The following OSCAR variants were observed in gnomAD, a reference collection of about 807,000 sequenced individuals.
OSCAR encodes the protein osteoclast associated Ig-like receptor, also known as osteoclast-associated immunoglobulin-like receptor.
OSCAR carries 25 observed loss-of-function variants against 27.3 expected under a neutral mutation model. That is an observed-to-expected ratio of 0.92 (90% CI 0.67 to 1.28). The LOEUF (loss-of-function observed/expected upper bound fraction) is 1.28, where lower values mean the gene tolerates loss of function less well. Ranked by LOEUF, OSCAR falls within the 50% of genes most tolerant of loss-of-function variation. The probability of loss-of-function intolerance (pLI) is 0.00; values close to 1 mark genes in which losing one functional copy is unlikely to be tolerated. For synonymous variants in OSCAR, 158 were observed against 165.7 expected, an observed-to-expected ratio of 0.95 and a Z score of 0.36; for missense variants, 354 against 355.1, an observed-to-expected ratio of 1.00 and a Z score of 0.03.
chr19:54,099,920 C>G (rs1245288317), intron 1 of OSCAR, 140 bp from the exon 2 acceptor site: 8 of 1,006,566 alleles, frequency 7.9e-6, no homozygotes, highest in Non-Finnish European at 7.1e-6. Flanking sequence ...TCAAGTGATT[C>G]TCCTGCCTCA....
intron 2 of OSCAR, 39 bp from the exon 3 acceptor site, chr19:54,097,203 G>A (rs1274798940): frequency 1.9e-6 from 3 of 1,561,636 alleles, no homozygotes; most frequent in African/African-American, 2.7e-5. Context: ...GGGCCTCCTG[G>A]GAGCCCCAGA....
At chr19:54,095,719 A>G (rs2072618115) in intron 4 of OSCAR, 153 bp downstream of exon 4, 1 of 1,283,506 alleles carries the variant, frequency 7.8e-7, no homozygotes, top group African/African-American at 1.5e-5. Context: ...GGGTCCCAGG[A>G]ATCCTGGGTC....
intron 2 of OSCAR, among the ~76,000 whole-genome samples, chr19:54,099,063 GT>G (rs587661944): frequency 6.7e-5 from 10 of 149,782 alleles, no homozygotes; most frequent in African/African-American, 1.2e-4. Context: ...AGTTTTTTTT[GT>G]TTGTTTGTTT....
intron 2 of OSCAR, among the ~76,000 whole-genome samples, chr19:54,097,555 G>A (rs1316849344): frequency 7.8e-6 from 1 of 127,934 alleles, no homozygotes; most frequent in African/African-American, 3.0e-5. Flanking sequence ...AAAGTGCTAA[G>A]TTTACAAGCT....
intron 4 of OSCAR, 191 bp downstream of exon 4, chr19:54,095,681 G>A (rs904190860): frequency 1.9e-5 from 20 of 1,067,192 alleles, no homozygotes; most frequent in Non-Finnish European, 2.5e-5. Flanking sequence ...TGGAGGACTA[G>A]ACTCCTGGAT....
At position 54,095,932 on chromosome 19, in the gene OSCAR, T is replaced by A. The variant is rs1410420439; in HGVS notation, c.595A>T (p.Thr199Ser). Reference sequence around the variant, plus strand: ...GACAGCACGTAGGGCGCGGAGGGCGTGTGATAGTAGCAGCTGTAGGTGCCG... The same window carrying A: ...GACAGCACGTAGGGCGCGGAGGGCGAGTGATAGTAGCAGCTGTAGGTGCCG... ...APGTYSCYYH[T>S]PSAPYVLSQR... The change falls in exon 4 of 5, where the codon ACG becomes TCG. Residue 199 changes from threonine to serine, a missense_variant. By Grantham distance (58) the Thr-to-Ser change is moderately conservative. Transcript: ENST00000358375. 1.3e-6 allele frequency: 2 copies of A among 1,585,972 alleles called. No homozygotes were observed. The highest frequency in any genetic ancestry group is 3.6e-5 in the Admixed American group (2 of 55,376).
At position 54,095,864 on chromosome 19, in the gene OSCAR, G is replaced by A. The variant is rs749357906; in HGVS notation, c.655+8C>T. Reference sequence around the variant, plus strand: ...CGGAGGAGGCGGGCCGGGCCTCAGGGCCCTCACCTTCCCAGCTGATGACCA... The same window carrying A: ...CGGAGGAGGCGGGCCGGGCCTCAGGACCCTCACCTTCCCAGCTGATGACCA... On this transcript the variant is annotated splice_region_variant and intron_variant, in intron 4 of 4. Coordinates refer to ENST00000358375, the MANE Select transcript of OSCAR (RefSeq NM_133169.6). The A allele has an allele frequency of 1.3e-6, 2 of 1,553,864 alleles. No homozygotes were observed. The highest frequency in any genetic ancestry group is 1.2e-5 in the South Asian group (1 of 84,258).
At chr19:54,099,365 A>G (rs762856363) in intron 2 of OSCAR, among the ~76,000 whole-genome samples, 4 of 150,148 alleles carry the variant, frequency 2.7e-5, no homozygotes, top group Non-Finnish European at 4.4e-5. Flanking sequence ...CATTGCGCCC[A>G]GCCCAAGATC....
At chr19:54,100,357 G>A (rs56049745) in intron 1 of OSCAR, among the ~76,000 whole-genome samples, 17,732 of 152,150 alleles carry the variant, frequency 0.12, 1,141 homozygotes, top group African/African-American at 0.17. Flanking sequence ...AGGGAACAAT[G>A]ATCGTAGAGT....
chr19:54,094,887 G>A lies in OSCAR; in HGVS notation c.*334C>T, dbSNP rs752619471. On this transcript the variant is annotated 3_prime_UTR_variant, in exon 5 of 5. Transcript: ENST00000358375. ...TCTTGTAAGACAGAAAAGTTCTCCA[G>A]GTCCCCATTCAACCCAGGAAGTCCA... 1 of 285,400 alleles carries A rather than the reference G, an allele frequency of 3.5e-6. No homozygotes were observed. The allele number at this position is 285,400 out of a possible 1,614,324, so 17.7% of individuals were successfully genotyped here.
intron 1 of OSCAR, among the ~76,000 whole-genome samples, chr19:54,100,076 T>C (rs2072968983): frequency 6.6e-6 from 1 of 152,142 alleles, no homozygotes; most frequent in African/African-American, 2.4e-5. Flanking sequence ...CCTCCCAAAG[T>C]GCTGGGCCTC....
intron 3 of OSCAR, among the ~76,000 whole-genome samples, 154 bp downstream of exon 3, chr19:54,096,682 CCTCTCTCTCTCTCTGCTCCCCTGTCT>C: frequency 1.4e-5 from 2 of 143,690 alleles, no homozygotes; most frequent in Non-Finnish European, 3.1e-5. Context: ...CCGCACTGTA[CCTCTCTCTCTCTCTGCTCCCCTGTCT>C]CTCTCTCTCC....
intron 2 of OSCAR, chr19:54,099,443 G>T: frequency 1.2e-6 from 1 of 831,810 alleles, no homozygotes. Context: ...AGATCTCACA[G>T]CGGCCCATTT....
At chr19:54,097,515 C>T (rs2072810013) in intron 2 of OSCAR, among the ~76,000 whole-genome samples, 1 of 150,830 alleles carries the variant, frequency 6.6e-6, no homozygotes, top group Non-Finnish European at 1.5e-5. Context: ...AAACTACTGG[C>T]CTCAAGCAAT....
intron 2 of OSCAR, among the ~76,000 whole-genome samples, chr19:54,098,652 C>G (rs1166500825): frequency 6.6e-6 from 1 of 151,818 alleles, no homozygotes; most frequent in Non-Finnish European, 1.5e-5. Flanking sequence ...CCACCGTACT[C>G]CAGCCCGGGT....
intron 3 of OSCAR, 48 bp downstream of exon 3, chr19:54,096,814 C>T (rs1205968288): frequency 6.3e-7 from 1 of 1,576,482 alleles, no homozygotes; most frequent in Admixed American, 1.7e-5. Flanking sequence ...GTCCCTCCCC[C>T]AACTCCCTTG....
intron 2 of OSCAR, among the ~76,000 whole-genome samples, chr19:54,098,931 C>T (rs906314397): frequency 2.1e-4 from 31 of 148,814 alleles, no homozygotes; most frequent in East Asian, 1.2e-3. Flanking sequence ...TGCAGTGAGC[C>T]GAGATTGCAC....
At chr19:54,095,815 G>A in intron 4 of OSCAR, 57 bp downstream of exon 4, 1 of 1,550,342 alleles carries the variant, frequency 6.5e-7, no homozygotes, top group South Asian at 1.2e-5. Context: ...GAGGGCGGAG[G>A]TCCTGGGGCC....
At chr19:54,097,261 C>G in intron 2 of OSCAR, 97 bp from the exon 3 acceptor site, 1 of 1,228,528 alleles carries the variant, frequency 8.1e-7, no homozygotes, top group Non-Finnish European at 1.1e-6. Flanking sequence ...TGGACAATTA[C>G]TGCCCCTTTC....
Sources: allele counts gnomAD v4.1 joint callset (sites outside exome capture counted in the v4.1 genomes callset), GRCh38; gene constraint gnomAD v4.1.1; transcripts MANE v1.5; gene names NCBI Gene and HGNC (gene_info 2026-07-23, HGNC 2026-07-21).